Variants in SPECC1L observed in about 807,000 individuals in gnomAD.
SPECC1L encodes cytospin-A.
Under a neutral mutation model 116.8 loss-of-function variants are expected in SPECC1L, and 40 were observed. That is an observed-to-expected ratio of 0.34 (90% CI 0.27 to 0.45). The LOEUF is 0.45. Ranked by LOEUF, SPECC1L falls within the 20% of genes least tolerant of loss-of-function variation. The pLI, the probability that SPECC1L is intolerant of heterozygous loss-of-function variation, is 1.00. For synonymous variants in SPECC1L, 504 were observed against 500.6 expected (o/e 1.01, Z -0.09); for missense variants, 1,110 against 1,373.6 (o/e 0.81, Z 3.03).
intron 6 of SPECC1L, among the ~76,000 whole-genome samples, chr22:24,327,814 G>C (rs2040860732): frequency 6.6e-6 from 1 of 152,142 alleles, no homozygotes; most frequent in African/African-American, 2.4e-5. Context: ...AGTGTTTTTA[G>C]TCTAGTGGTC....
intron 9 of SPECC1L, among the ~76,000 whole-genome samples, chr22:24,335,858 A>G (rs1042509304): frequency 6.6e-5 from 10 of 152,010 alleles, no homozygotes; most frequent in African/African-American, 2.4e-4. Flanking sequence ...CTTTATATGT[A>G]TTATGTATAA....
At chr22:24,380,140 G>A (rs1440232653) in intron 14 of SPECC1L, among the ~76,000 whole-genome samples, 1 of 152,082 alleles carries the variant, frequency 6.6e-6, no homozygotes, top group African/African-American at 2.4e-5. Flanking sequence ...CAAAGTGCTG[G>A]GATTAAAGGC....
chr22:24,322,771 T>C lies in SPECC1L; in HGVS notation c.1791T>C (p.His597=). 6.3e-7 allele frequency: 1 copy of C among 1,584,690 alleles called. No homozygotes were observed. Among genetic ancestry groups the C allele is most frequent in the African/African-American group, 1.4e-5 (1 of 73,882 alleles). ...KQKVAELYSI[H]NSGDKSDIQD... is the part of the protein sequence containing the mutation. ...AAGTGGCAGAGCTGTATTCTATCCA[T>C]AACTCTGGAGACAAATCTGATATTC... The change falls in exon 5 of 17, where the codon CAT becomes CAC. Residue 597 remains histidine (H), a synonymous_variant. Transcript: ENST00000314328.
At chr22:24,308,803 AAG>A (rs1437771775) in intron 3 of SPECC1L, among the ~76,000 whole-genome samples, 3 of 152,140 alleles carry the variant, frequency 2.0e-5, no homozygotes, top group Admixed American at 6.5e-5. Flanking sequence ...TGCTACAAGG[AAG>A]AGTTTTTACT....
At chr22:24,307,585 CTG>C (rs1036308298) in intron 3 of SPECC1L, among the ~76,000 whole-genome samples, 3 of 151,318 alleles carry the variant, frequency 2.0e-5, no homozygotes, top group Non-Finnish European at 2.9e-5. Context: ...GTATGTGTGT[CTG>C]TGTGTGTATG....
chr22:24,381,002 A>G (rs1358251704), intron 14 of SPECC1L, among the ~76,000 whole-genome samples: 1 of 152,202 alleles, frequency 6.6e-6, no homozygotes, highest in Non-Finnish European at 1.5e-5. Context: ...TATCTCTAAA[A>G]TTTCTGCTGT....
rs1215294945 is a variant in SPECC1L, at chr22:24,417,408, G to A, written c.*2785G>A. The stretch of plus-strand genomic sequence containing the variant: ...CAAGGCGCACTTCCTCATGTGGGCA[G>A]ATCCTGACCAGGAGTCCAGGGTGGC... On this transcript the variant is annotated 3_prime_UTR_variant, in exon 17 of 17. Coordinates refer to ENST00000314328, the MANE Select transcript of SPECC1L (RefSeq NM_015330.6). 1 of 152,360 alleles carries A rather than the reference G, an allele frequency of 6.6e-6. No homozygotes were observed. The highest frequency in any genetic ancestry group is 1.5e-5 in the Non-Finnish European group (1 of 68,070). 9.4% of individuals were successfully genotyped at this position (152,360 alleles called of 1,614,324 possible). A position where few individuals can be genotyped will look rare whatever the true frequency, so the allele number is the denominator to read the frequency against.
intron 11 of SPECC1L, among the ~76,000 whole-genome samples, chr22:24,353,650 C>T (rs148657237): frequency 0.015 from 2,224 of 151,992 alleles, 63 homozygotes; most frequent in African/African-American, 0.051. Context: ...TCAGGTGATC[C>T]GCCCACCTCG....
intron 2 of SPECC1L, among the ~76,000 whole-genome samples, chr22:24,279,824 C>T (rs758937518): frequency 3.9e-5 from 6 of 152,196 alleles, no homozygotes; most frequent in East Asian, 3.9e-4. Context: ...GTGATCTGCC[C>T]GCCTCAGCCT....
At chr22:24,382,359 T>A (rs2042077683) in intron 14 of SPECC1L, among the ~76,000 whole-genome samples, 1 of 152,010 alleles carries the variant, frequency 6.6e-6, no homozygotes, top group African/African-American at 2.4e-5. Flanking sequence ...ATTGAGGGAT[T>A]CTAAGGCAGC....
intron 3 of SPECC1L, among the ~76,000 whole-genome samples, chr22:24,312,351 T>G (rs188377304): frequency 6.6e-6 from 1 of 152,334 alleles, no homozygotes; most frequent in East Asian, 1.9e-4. Flanking sequence ...ATGGACTCAC[T>G]GACATTTAGA....
chr22:24,415,029 CCTGA>C lies in SPECC1L; in HGVS notation c.*409_*412del. ...TGATGAAGGCTCGGCCGCGGCACTT[CCTGA>C]CTATTGGCTGGGGTGGGTTCCGGTG... On this transcript the variant is annotated 3_prime_UTR_variant, in exon 17 of 17. Transcript: ENST00000314328. 1 of 257,318 alleles carries C rather than the reference CCTGA, an allele frequency of 3.9e-6. No homozygotes were observed. The highest frequency in any genetic ancestry group is 7.8e-6 in the Non-Finnish European group (1 of 128,142). 15.9% of individuals were successfully genotyped at this position (257,318 alleles called of 1,614,324 possible). A position where few individuals can be genotyped will look rare whatever the true frequency, so the allele number is the denominator to read the frequency against.
At chr22:24,291,345 T>C (rs1341293896) in intron 2 of SPECC1L, among the ~76,000 whole-genome samples, 1 of 152,202 alleles carries the variant, frequency 6.6e-6, no homozygotes, top group Non-Finnish European at 1.5e-5. Flanking sequence ...TTGCACAAGG[T>C]CACATAGATG....
chr22:24,401,088 A>G (rs949643950), intron 14 of SPECC1L, among the ~76,000 whole-genome samples: 9 of 152,214 alleles, frequency 5.9e-5, no homozygotes, highest in Non-Finnish European at 8.8e-5. Context: ...AACACCAGCC[A>G]CTTAATGTCA....
At chr22:24,317,008 T>A in intron 4 of SPECC1L, among the ~76,000 whole-genome samples, 1 of 92,738 alleles carries the variant, frequency 1.1e-5, no homozygotes, top group East Asian at 4.1e-4. Flanking sequence ...CCTCACCTCC[T>A]GGACGGGGCG....
At position 24,330,413 on chromosome 22, in the gene SPECC1L, A is replaced by G. The variant is rs775149728; in HGVS notation, c.2378A>G (p.Glu793Gly). The change falls in exon 8 of 17, where the codon GAG becomes GGG. Residue 793 changes from glutamate (E) to glycine (G), a missense_variant. Coordinates refer to ENST00000314328, the MANE Select transcript of SPECC1L (RefSeq NM_015330.6). ...EKNEKLTKEL[E>G]EIKSRKQEEE... Reference sequence around the variant, plus strand: ...AATGAGAAACTCACAAAAGAATTGGAGGAAATAAAGTCACGCAAGTAAGTT... The same window carrying G: ...AATGAGAAACTCACAAAAGAATTGGGGGAAATAAAGTCACGCAAGTAAGTT... 4.3e-6 allele frequency: 7 copies of G among 1,614,028 alleles called. No homozygotes were observed. The highest frequency in any genetic ancestry group is 5.9e-6 in the Non-Finnish European group (7 of 1,180,030).
At chr22:24,405,787 C>T (rs1358651545) in intron 14 of SPECC1L, among the ~76,000 whole-genome samples, 6 of 150,524 alleles carry the variant, frequency 4.0e-5, no homozygotes, top group Admixed American at 6.6e-5. Context: ...TGCAGTGATT[C>T]GAGATTGCGC....
At chr22:24,283,315 T>A (rs1389068023) in intron 2 of SPECC1L, among the ~76,000 whole-genome samples, 5 of 152,092 alleles carry the variant, frequency 3.3e-5, no homozygotes, top group Non-Finnish European at 5.9e-5. Context: ...CCTGACCTGG[T>A]GATCCGCCCA....
chr22:24,356,182 T>C (rs2041529662), intron 11 of SPECC1L, among the ~76,000 whole-genome samples: 1 of 152,166 alleles, frequency 6.6e-6, no homozygotes, highest in Admixed American at 6.5e-5. Flanking sequence ...ATCAGTTAGA[T>C]CTAGTTGGTT....
Sources: allele counts gnomAD v4.1 joint callset (sites outside exome capture counted in the v4.1 genomes callset), GRCh38; gene constraint gnomAD v4.1.1; transcripts MANE v1.5; gene names NCBI Gene and HGNC (gene_info 2026-07-23, HGNC 2026-07-21).